RPS6KA2: variants seen among roughly 807,000 people sequenced by gnomAD.
RPS6KA2 encodes the protein ribosomal protein S6 kinase alpha-2.
A neutral mutation model predicts 91.8 loss-of-function variants in RPS6KA2; 42 were observed. The ratio of observed to expected loss-of-function variants is 0.46; its 90% confidence interval spans 0.36 to 0.59. The LOEUF is 0.59. RPS6KA2 is among the 20% of genes least tolerant of loss of function. RPS6KA2 has a pLI of 0.00. For missense variants in RPS6KA2, 798 were observed against 978.5 expected (o/e 0.82, Z 2.46); for synonymous variants, 414 against 393.6 (o/e 1.05, Z -0.61).
chr6:166,595,582 C>A (rs1238554400), intron 1 of RPS6KA2, among the ~76,000 whole-genome samples: 1 of 152,228 alleles, frequency 6.6e-6, no homozygotes, highest in African/African-American at 2.4e-5. Flanking sequence ...ACAGCTGGTT[C>A]TATTTTGCCA....
intron 12 of RPS6KA2, among the ~76,000 whole-genome samples, chr6:166,454,603 G>A (rs1180784130): frequency 1.3e-5 from 2 of 152,126 alleles, no homozygotes; most frequent in African/African-American, 4.8e-5. Context: ...AAAAGAAAAA[G>A]GAGACACTAA....
intron 2 of RPS6KA2, among the ~76,000 whole-genome samples, chr6:166,719,803 T>C (rs1583048165): frequency 6.6e-6 from 1 of 152,220 alleles, no homozygotes; most frequent in East Asian, 1.9e-4. Flanking sequence ...AGTCTTGCAT[T>C]GATCCCAACA....
intron 2 of RPS6KA2, among the ~76,000 whole-genome samples, chr6:166,686,930 G>A (rs1789036500): frequency 6.6e-6 from 1 of 152,220 alleles, no homozygotes; most frequent in South Asian, 2.1e-4. Flanking sequence ...ACAGGGGTGA[G>A]GGGAGAATAG....
intron 1 of RPS6KA2, among the ~76,000 whole-genome samples, chr6:166,602,982 G>C (rs534854741): frequency 6.6e-5 from 10 of 152,372 alleles, no homozygotes; most frequent in African/African-American, 1.9e-4. Context: ...AATCTGGAGA[G>C]AGAGAGAGGT....
chr6:166,679,620 G>C (rs747399577), intron 2 of RPS6KA2, among the ~76,000 whole-genome samples: 5 of 152,212 alleles, frequency 3.3e-5, no homozygotes, highest in Non-Finnish European at 7.3e-5. Context: ...GCTCGCTCTC[G>C]GCACCTCCTC....
chr6:166,566,955 A>T (rs1389914848), intron 1 of RPS6KA2, among the ~76,000 whole-genome samples: 1 of 152,148 alleles, frequency 6.6e-6, no homozygotes. Flanking sequence ...ACTTCCATAA[A>T]CCCTACATTA....
chr6:166,745,349 A>G (rs1344034697), intron 2 of RPS6KA2, among the ~76,000 whole-genome samples: 2 of 151,996 alleles, frequency 1.3e-5, no homozygotes, highest in African/African-American at 4.8e-5. Context: ...ATGGGGTTTT[A>G]CCATGTTGGT....
At position 166,412,825 on chromosome 6, in the gene RPS6KA2, G is replaced by C. The variant is rs1385432711; in HGVS notation, c.2139C>G (p.Pro713=). The C allele has an allele frequency of 1.3e-6, 2 of 1,583,402 alleles. No individual in the cohort carries two copies. Among genetic ancestry groups the C allele is most frequent in the Admixed American group, 1.8e-5 (1 of 54,422 alleles). ...NRTPQAPRLE[P]VLSSNLAQRR... ...GCTGAGCCAGGTTGGATGACAGCAC[G>C]GGCTCCAGCCGCGGGGCCTGAGGTG... The change falls in exon 21 of 21, where the codon CCC becomes CCG. Residue 713 remains proline (P), a synonymous_variant. Coordinates refer to ENST00000265678, the MANE Select transcript of RPS6KA2 (RefSeq NM_021135.6). The surrounding 1 kb of genome is among the most constrained non-coding windows in gnomAD (Gnocchi z 4.3).
intron 1 of RPS6KA2, among the ~76,000 whole-genome samples, chr6:166,550,994 C>CA (rs58796308): frequency 0.016 from 1,662 of 106,364 alleles, 78 homozygotes; most frequent in Non-Finnish European, 0.023. Context: ...GACTCTATCT[C>CA]AAAAAAAAAA....
intron 2 of RPS6KA2, among the ~76,000 whole-genome samples, chr6:166,709,768 C>T (rs1789791392): frequency 6.6e-6 from 1 of 152,168 alleles, no homozygotes; most frequent in Non-Finnish European, 1.5e-5. Flanking sequence ...GTAAGTGTCC[C>T]TTCTCGTCAC....
intron 2 of RPS6KA2, among the ~76,000 whole-genome samples, chr6:166,535,902 T>C (rs1272815732): frequency 1.3e-5 from 2 of 152,230 alleles, no homozygotes; most frequent in Admixed American, 6.5e-5. Flanking sequence ...CGCTTCCCGC[T>C]GGTGGTGAGT....
rs971012406 is a variant in RPS6KA2 at position 166,410,533 on chromosome 6, G to A, written c.*2229C>T. On this transcript the variant is annotated 3_prime_UTR_variant, in exon 21 of 21. Transcript: ENST00000265678. Reference sequence around the variant, plus strand: ...CAGGGCCAAGCCAGTGTTCTCCTCCGCTGATGCACATCAAATACATGTAAG... The same window carrying A: ...CAGGGCCAAGCCAGTGTTCTCCTCCACTGATGCACATCAAATACATGTAAG... 2.6e-5 allele frequency: 4 copies of A among 152,408 alleles called. No individual in the cohort carries two copies. The highest frequency in any genetic ancestry group is 1.9e-4 in the East Asian group (1 of 5,182). 9.4% of individuals were successfully genotyped at this position (152,408 alleles called of 1,614,324 possible). A position where few individuals can be genotyped will look rare whatever the true frequency, so the allele number is the denominator to read the frequency against.
chr6:166,542,668 G>A (rs996322037), intron 1 of RPS6KA2, among the ~76,000 whole-genome samples: 3 of 152,256 alleles, frequency 2.0e-5, no homozygotes, highest in East Asian at 1.9e-4. Flanking sequence ...AGGAAGTCCC[G>A]GGCAGGTATT....
rs1311179236 is a variant in RPS6KA2, at chr6:166,849,877, C to G, written c.123+8323G>C. ...TTCTACATAAGACAGAAGTGAGACACCGGGTTCAGGGACCAGGGGCACTCA... is the reference window on the plus strand; with the variant it reads ...TTCTACATAAGACAGAAGTGAGACAGCGGGTTCAGGGACCAGGGGCACTCA... On this transcript the variant is annotated intron_variant, in intron 2 of 21. Coordinates refer to the RPS6KA2 transcript ENST00000503859. The surrounding 1 kb of genome is among the most constrained non-coding windows in gnomAD (Gnocchi z 4.9). Among the ~76,000 whole-genome samples, 7 of 152,216 alleles carry G rather than the reference C, an allele frequency of 4.6e-5. No individual in the cohort carries two copies. Among genetic ancestry groups the G allele is most frequent in the Non-Finnish European group, 7.3e-5 (5 of 68,028 alleles).
intron 10 of RPS6KA2, among the ~76,000 whole-genome samples, chr6:166,486,063 C>T (rs1376447822): frequency 6.6e-6 from 1 of 152,212 alleles, no homozygotes; most frequent in South Asian, 2.1e-4. Flanking sequence ...CTGCACATCT[C>T]TTGGAAATGT....
intron 3 of RPS6KA2, among the ~76,000 whole-genome samples, chr6:166,510,913 A>G (rs1296679833): frequency 6.6e-6 from 1 of 151,834 alleles, no homozygotes; most frequent in Non-Finnish European, 1.5e-5. Flanking sequence ...TTTTTCGTGG[A>G]CTTTTTGGGA....
chr6:166,778,315 C>T lies in RPS6KA2; in HGVS notation c.123+79885G>A, dbSNP rs930270729. 2.0e-5 allele frequency among the ~76,000 whole-genome samples: 3 copies of T among 152,188 alleles called. No homozygotes were observed. In the East Asian group the frequency reaches 5.8e-4, roughly 29 times the overall value. On this transcript the variant is annotated intron_variant, in intron 2 of 21. Transcript: ENST00000503859. ...GGCCAACTGACTGATCAACCTCATA[C>T]CATATATATCAATACATTCAAGATG... is the stretch of plus-strand genomic sequence containing the variant.
intron 2 of RPS6KA2, among the ~76,000 whole-genome samples, chr6:166,848,005 C>A (rs977980703): frequency 1.3e-5 from 2 of 152,154 alleles, no homozygotes; most frequent in African/African-American, 4.8e-5. Context: ...TCTTCACAAC[C>A]TATACATCCA....
intron 2 of RPS6KA2, among the ~76,000 whole-genome samples, chr6:166,687,877 C>A (rs1246378254): frequency 6.6e-6 from 1 of 152,170 alleles, no homozygotes; most frequent in Non-Finnish European, 1.5e-5. Flanking sequence ...TGCTTCTAAG[C>A]CCCCTGCGGT....
Sources: gnomAD v4.1 joint callset for allele counts (sites outside exome capture counted in the v4.1 genomes callset) on GRCh38, gnomAD v4.1.1 for gene constraint, Gnocchi (gnomAD v3.1) non-coding constraint, MANE v1.5 for transcripts, NCBI Gene and HGNC (gene_info 2026-07-23, HGNC 2026-07-21) for gene names.